Variants in KCNG3 observed in about 807,000 individuals in gnomAD.
KCNG3 encodes potassium voltage-gated channel modifier subfamily G member 3, also known as voltage-gated potassium channel regulatory subunit KCNG3.
KCNG3 carries 15 observed loss-of-function variants against 29.0 expected under a neutral mutation model. That is an observed-to-expected ratio of 0.52 (90% CI 0.35 to 0.80). The LOEUF (loss-of-function observed/expected upper bound fraction) is 0.80. Ranked by LOEUF, KCNG3 falls within the 30% of genes least tolerant of loss-of-function variation. The pLI is 0.01. For missense variants in KCNG3, 512 were observed against 605.7 expected (o/e 0.85, Z 1.62); for synonymous variants, 322 against 248.9 (o/e 1.29, Z -2.76).
chr2:42,410,121 T>C, the KCNG3 span, among the ~76,000 whole-genome samples: 2,548 of 152,292 alleles, frequency 0.017, 30 homozygotes, highest in Non-Finnish European at 0.023. Context: ...GATCTTGCCA[T>C]AGGTGGATAA....
chr2:42,407,461 C>T, the KCNG3 span, among the ~76,000 whole-genome samples: 1 of 152,204 alleles, frequency 6.6e-6, no homozygotes, highest in African/African-American at 2.4e-5. Context: ...ATGCTGCCAT[C>T]ACACTGGCTG....
intron 1 of KCNG3, among the ~76,000 whole-genome samples, chr2:42,462,618 G>A (rs1476087035): frequency 1.3e-5 from 2 of 152,122 alleles, no homozygotes; most frequent in African/African-American, 4.8e-5. Context: ...CGAGGCAGAC[G>A]TTACAGTGGG....
chr2:42,478,607 A>T (rs1467021672), intron 1 of KCNG3, among the ~76,000 whole-genome samples: 1 of 152,044 alleles, frequency 6.6e-6, no homozygotes, highest in Non-Finnish European at 1.5e-5. Context: ...AAACTAACAC[A>T]GTTTGGTGTC....
chr2:42,420,734 GA>G, the KCNG3 span, among the ~76,000 whole-genome samples: 8 of 152,094 alleles, frequency 5.3e-5, no homozygotes, highest in Non-Finnish European at 1.2e-4. Flanking sequence ...AGGTTGCAGT[GA>G]GCCGAGATCA....
intron 1 of KCNG3, among the ~76,000 whole-genome samples, chr2:42,482,045 A>T (rs1184851011): frequency 6.6e-6 from 1 of 152,176 alleles, no homozygotes; most frequent in Non-Finnish European, 1.5e-5. Context: ...GCTGGCTTCA[A>T]ACTCCTGGGC....
the KCNG3 span, among the ~76,000 whole-genome samples, chr2:42,404,157 T>G: frequency 1.1e-4 from 16 of 152,224 alleles, no homozygotes; most frequent in Non-Finnish European, 1.6e-4. Context: ...GTTAATTTTA[T>G]TAGTCTATTC....
chr2:42,390,458 T>C, the KCNG3 span, among the ~76,000 whole-genome samples: 4 of 152,352 alleles, frequency 2.6e-5, 1 homozygote, highest in South Asian at 4.1e-4. Flanking sequence ...AGAACAAGGA[T>C]GGTGCCTTTA....
intron 1 of KCNG3, among the ~76,000 whole-genome samples, chr2:42,452,157 CATAAG>C (rs1379693216): frequency 6.8e-6 from 1 of 146,266 alleles, no homozygotes; most frequent in Non-Finnish European, 1.5e-5. Flanking sequence ...TTATGGGTTA[CATAAG>C]ATATTTTGAT....
chr2:42,477,117 G>A (rs562475319), intron 1 of KCNG3, among the ~76,000 whole-genome samples: 17 of 150,408 alleles, frequency 1.1e-4, no homozygotes, highest in Admixed American at 7.9e-4. Context: ...GTGTGAACCC[G>A]GGAGGCGGAG....
chr2:42,454,027 G>C (rs1287148472), intron 1 of KCNG3, among the ~76,000 whole-genome samples: 1 of 149,820 alleles, frequency 6.7e-6, no homozygotes, highest in Non-Finnish European at 1.5e-5. Flanking sequence ...CATATGAAAA[G>C]ATGCCCAACA....
At chr2:42,469,033 G>T (rs936912732) in intron 1 of KCNG3, among the ~76,000 whole-genome samples, 1 of 150,082 alleles carries the variant, frequency 6.7e-6, no homozygotes, top group Non-Finnish European at 1.5e-5. Context: ...AGTGTAATGT[G>T]ATCAAAATTC....
the KCNG3 span, among the ~76,000 whole-genome samples, chr2:42,410,574 GA>G: frequency 6.6e-6 from 1 of 152,072 alleles, no homozygotes; most frequent in Admixed American, 6.6e-5. Context: ...GCAAGTAGGG[GA>G]CTTTATATTT....
chr2:42,454,704 CA>C (rs1672838373), intron 1 of KCNG3, among the ~76,000 whole-genome samples: 1 of 138,086 alleles, frequency 7.2e-6, no homozygotes, highest in African/African-American at 2.7e-5. Context: ...GACTCTGCCT[CA>C]AAAAAAGAAA....
the KCNG3 span, among the ~76,000 whole-genome samples, chr2:42,424,597 A>G: frequency 1.6e-3 from 244 of 152,306 alleles, no homozygotes; most frequent in African/African-American, 5.6e-3. Flanking sequence ...GAAAACAAAA[A>G]CCTGATTAGT....
intron 1 of KCNG3, among the ~76,000 whole-genome samples, chr2:42,466,770 T>TG: frequency 6.6e-6 from 1 of 151,354 alleles, no homozygotes; most frequent in East Asian, 1.9e-4. Context: ...TTTTTTTTTT[T>TG]GAGATGGAGT....
downstream of KCNG3, chr2:42,440,365 GTTTTA>G (rs1038535124): frequency 1.4e-4 from 21 of 151,498 alleles, no homozygotes; most frequent in African/African-American, 4.1e-4. Flanking sequence ...AGCTTTCAAT[GTTTTA>G]TTTTTCATTT....
At chr2:42,414,956 C>T in the KCNG3 span, among the ~76,000 whole-genome samples, 2 of 152,142 alleles carry the variant, frequency 1.3e-5, no homozygotes, top group Non-Finnish European at 2.9e-5. Context: ...TTTAAGCATA[C>T]TTTTTATTTT....
rs1027438448 is a variant in KCNG3, at chr2:42,493,597, G to T, written c.-96C>A. 2 of 1,138,540 alleles carry T rather than the reference G, an allele frequency of 1.8e-6. No homozygotes were observed. Among genetic ancestry groups the T allele is most frequent in the Non-Finnish European group, 2.2e-6 (2 of 904,090 alleles). 70.5% of individuals were successfully genotyped at this position (1,138,540 alleles called of 1,614,324 possible). A position where few individuals can be genotyped will look rare whatever the true frequency, so the allele number is the denominator to read the frequency against. ...GCCTGCCTGCCCGTGGCTGACGGGG[G>T]AGCGCGCCGTCGGGGCCCGCGCTCC... On this transcript the variant is annotated 5_prime_UTR_variant, in exon 1 of 2. Transcript: ENST00000306078.
chr2:42,390,214 T>TA, the KCNG3 span, among the ~76,000 whole-genome samples: 2 of 152,220 alleles, frequency 1.3e-5, no homozygotes, highest in African/African-American at 4.8e-5. Flanking sequence ...GATGCTATCT[T>TA]ATTTAGTTCA....
Sources: gnomAD v4.1 joint callset for allele counts (sites outside exome capture counted in the v4.1 genomes callset) on GRCh38, gnomAD v4.1.1 for gene constraint, MANE v1.5 for transcripts, NCBI Gene and HGNC (gene_info 2026-07-23, HGNC 2026-07-21) for gene names.